The following MAGI2 variants were observed in gnomAD, a reference collection of about 807,000 sequenced individuals.
The protein encoded by MAGI2 is membrane-associated guanylate kinase, WW and PDZ domain-containing protein 2.
MAGI2 carries 35 observed loss-of-function variants against 133.3 expected under a neutral mutation model. The ratio of observed to expected loss-of-function variants is 0.26; its 90% CI spans 0.20 to 0.35. The LOEUF is 0.35. MAGI2 is among the 10% of genes least tolerant of loss of function. MAGI2 has a pLI of 1.00. For missense variants in MAGI2, 1,636 were observed against 1,863.4 expected, an observed-to-expected ratio of 0.88 and a Z score of 2.25; for synonymous variants, 729 against 710.6, an observed-to-expected ratio of 1.03 and a Z score of -0.41.
intron 2 of MAGI2, among the ~76,000 whole-genome samples, chr7:78,890,182 C>T (rs1796623689): frequency 6.6e-6 from 1 of 151,898 alleles, no homozygotes; most frequent in South Asian, 2.1e-4. Context: ...GCTAACTATC[C>T]TAAATATATT....
At chr7:78,313,283 G>A (rs1397074489) in intron 9 of MAGI2, among the ~76,000 whole-genome samples, 1 of 152,108 alleles carries the variant, frequency 6.6e-6, no homozygotes, top group East Asian at 1.9e-4. Context: ...CAGAAGCCCG[G>A]ATTTCACCAC....
At chr7:79,282,117 A>C (rs532673120) in intron 1 of MAGI2, among the ~76,000 whole-genome samples, 1 of 152,302 alleles carries the variant, frequency 6.6e-6, no homozygotes, top group African/African-American at 2.4e-5. Context: ...TAATACAATT[A>C]ATCCCTCTGA....
At chr7:78,599,947 C>T (rs1044191470) in intron 3 of MAGI2, among the ~76,000 whole-genome samples, 2 of 152,176 alleles carry the variant, frequency 1.3e-5, no homozygotes, top group Non-Finnish European at 2.9e-5. Context: ...GTGCCTCTTC[C>T]TGTATCCACA....
intron 1 of MAGI2, among the ~76,000 whole-genome samples, chr7:79,146,179 A>G (rs915692366): frequency 6.6e-6 from 1 of 152,190 alleles, no homozygotes; most frequent in Non-Finnish European, 1.5e-5. Context: ...AAACCAAGGT[A>G]TGCAAAATTG....
At chr7:78,813,289 C>A (rs1013338731) in intron 2 of MAGI2, among the ~76,000 whole-genome samples, 7 of 152,018 alleles carry the variant, frequency 4.6e-5, no homozygotes, top group African/African-American at 1.5e-4. Flanking sequence ...ATGTGAAAAT[C>A]TTTTGTATAA....
intron 3 of MAGI2, among the ~76,000 whole-genome samples, chr7:78,601,508 C>A (rs917836158): frequency 6.6e-6 from 1 of 152,126 alleles, no homozygotes; most frequent in African/African-American, 2.4e-5. Context: ...TCTTAGAATT[C>A]CTGTCTGCCT....
At chr7:78,270,481 C>G (rs569011591) in intron 9 of MAGI2, among the ~76,000 whole-genome samples, 1 of 152,030 alleles carries the variant, frequency 6.6e-6, no homozygotes, top group Non-Finnish European at 1.5e-5. Context: ...CCTTCACATC[C>G]CTTGTAAGTT....
Position 79,044,578 on chromosome 7 carries a change from T to C in MAGI2, c.302-37372A>G, listed in dbSNP as rs528168109. 6.6e-5 allele frequency among the ~76,000 whole-genome samples: 10 copies of C among 152,226 alleles called. No individual in the cohort carries two copies. In the South Asian group the frequency reaches 1.9e-3, roughly 28 times the overall value. On this transcript the variant is annotated intron_variant, in intron 1 of 21. Transcript: ENST00000354212. ...GTACTGGAATTCCAAGCCAGATCAA[T>C]TGGGCAAGAGAAAGAAATAAAAGGC...
chr7:78,923,386 G>A (rs1799417986), intron 2 of MAGI2, among the ~76,000 whole-genome samples: 1 of 152,118 alleles, frequency 6.6e-6, no homozygotes, highest in African/African-American at 2.4e-5. Context: ...TGTAAGGAAG[G>A]GATCCAGCTT....
chr7:79,442,333 A>T (rs1848546239), intron 1 of MAGI2, among the ~76,000 whole-genome samples: 1 of 152,188 alleles, frequency 6.6e-6, no homozygotes, highest in South Asian at 2.1e-4. Flanking sequence ...TTGATTTGTC[A>T]CACATGGAAT....
rs189207103 is a variant in MAGI2 at position 78,673,760 on chromosome 7, A to C, written c.419-46521T>G. Among the ~76,000 whole-genome samples the C allele has an allele frequency of 3.9e-4, 60 of 152,152 alleles. No individual in the cohort carries two copies. The East Asian group carries it at 0.011, about 28-fold the overall frequency. On this transcript the variant is annotated intron_variant, in intron 2 of 21. Coordinates refer to ENST00000354212, the MANE Select transcript of MAGI2 (RefSeq NM_012301.4). ...ACTTGCTGATCCAAATGTTAATCTC[A>C]TCCAAAAACACCCTCACAGACACAT... is the stretch of plus-strand genomic sequence containing the variant.
intron 1 of MAGI2, among the ~76,000 whole-genome samples, chr7:79,392,894 T>C (rs949781241): frequency 9.2e-5 from 14 of 152,184 alleles, no homozygotes; most frequent in Admixed American, 3.3e-4. Context: ...CATTCACCAA[T>C]ATGTACTATA....
intron 6 of MAGI2, among the ~76,000 whole-genome samples, chr7:78,403,358 C>G (rs1336703238): frequency 2.6e-5 from 4 of 152,218 alleles, no homozygotes; most frequent in Non-Finnish European, 4.4e-5. Context: ...CATAGTATTC[C>G]ATGGTGTATA....
At position 78,668,236 on chromosome 7, in the gene MAGI2, G is replaced by A. The variant is rs573064556; in HGVS notation, c.419-40997C>T. On this transcript the variant is annotated intron_variant, in intron 2 of 21. Transcript: ENST00000354212. Reference sequence around the variant, plus strand: ...ATGTCCTTCGCCCACTTTTTGATGGGGTTGTTTGTTTTTTTCTTGTAAATT... The same window carrying A: ...ATGTCCTTCGCCCACTTTTTGATGGAGTTGTTTGTTTTTTTCTTGTAAATT... Among the ~76,000 whole-genome samples, 102 of 151,894 alleles carry A rather than the reference G, an allele frequency of 6.7e-4. 1 individual carries two copies. The highest frequency in any genetic ancestry group is 3.4e-3 in the Middle Eastern group (1 of 292).
intron 6 of MAGI2, among the ~76,000 whole-genome samples, chr7:78,464,532 G>A (rs1790412534): frequency 1.3e-5 from 2 of 152,018 alleles, no homozygotes; most frequent in Non-Finnish European, 2.9e-5. Context: ...GGAACCAACA[G>A]CAAGTAAGAC....
chr7:79,124,526 A>G (rs77604276), intron 1 of MAGI2, among the ~76,000 whole-genome samples: 6,480 of 152,252 alleles, frequency 0.043, 474 homozygotes, highest in African/African-American at 0.15. Context: ...TCATGGAGTT[A>G]TATAGTACTT....
chr7:78,807,687 T>A (rs1010114545), intron 2 of MAGI2, among the ~76,000 whole-genome samples: 14 of 152,194 alleles, frequency 9.2e-5, no homozygotes, highest in Non-Finnish European at 1.6e-4. Context: ...TCCTGGAGCC[T>A]GAAAATTTTC....
chr7:78,151,696 G>A (rs1446274412), intron 16 of MAGI2, among the ~76,000 whole-genome samples: 1 of 152,166 alleles, frequency 6.6e-6, no homozygotes, highest in Non-Finnish European at 1.5e-5. Flanking sequence ...CATTGCTCCG[G>A]TTCTGCTTTA....
At chr7:78,242,225 A>G (rs1791226688) in intron 10 of MAGI2, among the ~76,000 whole-genome samples, 1 of 152,200 alleles carries the variant, frequency 6.6e-6, no homozygotes, top group East Asian at 1.9e-4. Flanking sequence ...AGCCTCTTGC[A>G]TGACACTTTG....
Sources: gnomAD v4.1 joint callset for allele counts (sites outside exome capture counted in the v4.1 genomes callset) on GRCh38, gnomAD v4.1.1 for gene constraint, MANE v1.5 for transcripts, NCBI Gene and HGNC (gene_info 2026-07-23, HGNC 2026-07-21) for gene names.